The following NELL1 variants were observed in gnomAD, a reference collection of about 807,000 sequenced individuals.
NELL1 encodes neural EGFL like 1.
NELL1 carries 76 observed loss-of-function variants against 107.4 expected under a neutral mutation model. The observed-to-expected ratio is 0.71, with a 90% CI of 0.59 to 0.86. The LOEUF (loss-of-function observed/expected upper bound fraction) is 0.86, where lower values mean the gene tolerates loss of function less well. Among genes scored for constraint, NELL1 ranks in the 40% least tolerant of loss-of-function variants. NELL1 has a pLI of 0.00. For synonymous variants in NELL1, 353 were observed against 341.2 expected (o/e 1.03, Z -0.38); for missense variants, 1,024 against 1,005.5 (o/e 1.02, Z -0.25).
intron 10 of NELL1, among the ~76,000 whole-genome samples, chr11:20,940,037 AAT>A (rs1850815717): frequency 6.6e-6 from 1 of 152,146 alleles, no homozygotes; most frequent in African/African-American, 2.4e-5. Flanking sequence ...CTGCAGCTAG[AAT>A]CCTATGAAGG....
At chr11:20,750,426 A>C (rs541080386) in intron 2 of NELL1, among the ~76,000 whole-genome samples, 19 of 152,124 alleles carry the variant, frequency 1.2e-4, no homozygotes, top group African/African-American at 4.6e-4. Context: ...AATTTTGATG[A>C]AGCCCAGTAT....
chr11:21,106,714 T>TA (rs1293473150), intron 12 of NELL1, among the ~76,000 whole-genome samples: 2 of 152,168 alleles, frequency 1.3e-5, no homozygotes, highest in Non-Finnish European at 2.9e-5. Context: ...TGCATATATA[T>TA]TTTTTTACCT....
At chr11:21,442,780 AAT>A (rs1194638700) in intron 15 of NELL1, among the ~76,000 whole-genome samples, 1 of 152,094 alleles carries the variant, frequency 6.6e-6, no homozygotes, top group Non-Finnish European at 1.5e-5. Context: ...ACTTAACAAT[AAT>A]ACAGCACCAT....
At chr11:20,991,720 G>T (rs1362769339) in intron 12 of NELL1, among the ~76,000 whole-genome samples, 1 of 152,188 alleles carries the variant, frequency 6.6e-6, no homozygotes, top group Non-Finnish European at 1.5e-5. Context: ...CTGCCTTTAG[G>T]TGTGGCTGCT....
At chr11:21,380,633 T>A in intron 15 of NELL1, among the ~76,000 whole-genome samples, 1 of 152,052 alleles carries the variant, frequency 6.6e-6, no homozygotes, top group East Asian at 1.9e-4. Context: ...CACACAGTTC[T>A]TAGAGTCACT....
intron 14 of NELL1, among the ~76,000 whole-genome samples, chr11:21,321,206 T>A (rs1850002031): frequency 1.3e-5 from 2 of 152,232 alleles, no homozygotes; most frequent in South Asian, 4.1e-4. Context: ...CCAGGAGATT[T>A]GTAATTGCTT....
chr11:21,055,812 A>G (rs1853601378), intron 12 of NELL1, among the ~76,000 whole-genome samples: 1 of 151,892 alleles, frequency 6.6e-6, no homozygotes, highest in African/African-American at 2.4e-5. Flanking sequence ...ACTGTGTTGA[A>G]CATACCACAG....
chr11:21,206,232 G>C (rs1437185136), intron 13 of NELL1, among the ~76,000 whole-genome samples: 1 of 152,108 alleles, frequency 6.6e-6, no homozygotes, highest in Non-Finnish European at 1.5e-5. Flanking sequence ...ACCTTCTGGT[G>C]GCTCCTGGTA....
At chr11:21,511,660 G>A (rs975362716) in intron 15 of NELL1, among the ~76,000 whole-genome samples, 3 of 152,118 alleles carry the variant, frequency 2.0e-5, no homozygotes, top group Non-Finnish European at 4.4e-5. Flanking sequence ...TTTGAACTGC[G>A]AGCTAAATAA....
chr11:20,854,173 A>C (rs1362279445), intron 4 of NELL1, among the ~76,000 whole-genome samples: 3 of 152,180 alleles, frequency 2.0e-5, no homozygotes, highest in Non-Finnish European at 4.4e-5. Flanking sequence ...CTCTACTTTG[A>C]AAGTCTGGCT....
chr11:20,934,113 T>G (rs1850674393), intron 9 of NELL1, among the ~76,000 whole-genome samples: 1 of 152,046 alleles, frequency 6.6e-6, no homozygotes, highest in African/African-American at 2.4e-5. Context: ...ACATAAAAAA[T>G]AAGCCTTTTG....
At chr11:21,206,906 GAAACC>G (rs1346037969) in intron 13 of NELL1, among the ~76,000 whole-genome samples, 1 of 152,132 alleles carries the variant, frequency 6.6e-6, no homozygotes, top group African/African-American at 2.4e-5. Flanking sequence ...AGGTATCTGT[GAAACC>G]AAAAGAATCA....
intron 15 of NELL1, among the ~76,000 whole-genome samples, chr11:21,377,096 T>C (rs1215406099): frequency 6.6e-6 from 1 of 152,052 alleles, no homozygotes; most frequent in Non-Finnish European, 1.5e-5. Flanking sequence ...ATAGGAGTGG[T>C]GAGAGTGAAT....
At chr11:21,023,065 T>G (rs1296467724) in intron 12 of NELL1, among the ~76,000 whole-genome samples, 1 of 152,010 alleles carries the variant, frequency 6.6e-6, no homozygotes, top group African/African-American at 2.4e-5. Flanking sequence ...TCACTGAAAT[T>G]TTCTAACCCA....
At chr11:20,755,884 T>G (rs866365548) in intron 2 of NELL1, among the ~76,000 whole-genome samples, 949 of 19,138 alleles carry the variant, frequency 0.05, 58 homozygotes, top group South Asian at 0.072. Flanking sequence ...TTTTTTTTTT[T>G]TTTTTTTTTT....
At chr11:21,010,360 C>T (rs961129760) in intron 12 of NELL1, among the ~76,000 whole-genome samples, 2 of 151,956 alleles carry the variant, frequency 1.3e-5, no homozygotes, top group African/African-American at 4.8e-5. Context: ...GCTAACTACC[C>T]CTTGCTCCAC....
intron 15 of NELL1, among the ~76,000 whole-genome samples, chr11:21,463,247 G>C (rs1023867102): frequency 2.0e-5 from 3 of 152,032 alleles, no homozygotes; most frequent in African/African-American, 7.2e-5. Context: ...AATTAGAGAG[G>C]TGAGCTGTCT....
chr11:20,764,611 C>CCT (rs1554916065), intron 2 of NELL1, among the ~76,000 whole-genome samples: 2 of 142,080 alleles, frequency 1.4e-5, no homozygotes, highest in Non-Finnish European at 3.1e-5. Flanking sequence ...CACCCCAGAC[C>CCT]TTTTTTTTTT....
At chr11:21,314,895 C>T (rs908369885) in intron 14 of NELL1, among the ~76,000 whole-genome samples, 9 of 151,400 alleles carry the variant, frequency 5.9e-5, no homozygotes, top group Non-Finnish European at 8.8e-5. Flanking sequence ...CTCACTCTGA[C>T]GCCCAGGCTG....
Sources: allele counts gnomAD v4.1 joint callset (sites outside exome capture counted in the v4.1 genomes callset), GRCh38; gene constraint gnomAD v4.1.1; transcripts MANE v1.5; gene names NCBI Gene and HGNC (gene_info 2026-07-23, HGNC 2026-07-21).